Variants in GABBR2 observed in about 807,000 individuals in gnomAD.
GABBR2 encodes G-protein coupled receptor 51.
In GABBR2, 23 loss-of-function variants were observed where a neutral mutation model predicts 105.6. The ratio of observed to expected loss-of-function variants is 0.22; its 90% CI spans 0.16 to 0.31. The LOEUF (loss-of-function observed/expected upper bound fraction) is 0.31. GABBR2 is among the 10% of genes least tolerant of loss of function. GABBR2 has a pLI of 1.00. For missense variants in GABBR2, 734 were observed against 1,245.5 expected, an observed-to-expected ratio of 0.59 and a Z score of 6.18; for synonymous variants, 478 against 499.7, an observed-to-expected ratio of 0.96 and a Z score of 0.58.
chr9:98,313,810 G>T (rs189797047), intron 13 of GABBR2, among the ~76,000 whole-genome samples: 1 of 152,262 alleles, frequency 6.6e-6, no homozygotes, highest in Non-Finnish European at 1.5e-5. Flanking sequence ...TCTTAGACGG[G>T]TAGCGTTTAG....
chr9:98,353,513 C>T (rs1831435946), intron 13 of GABBR2, among the ~76,000 whole-genome samples: 2 of 152,158 alleles, frequency 1.3e-5, no homozygotes, highest in South Asian at 2.1e-4. Context: ...ATGTACTTTG[C>T]CCAGATCCAT....
chr9:98,487,996 G>A (rs142484552), intron 4 of GABBR2, among the ~76,000 whole-genome samples: 34 of 152,094 alleles, frequency 2.2e-4, no homozygotes, highest in Non-Finnish European at 1.6e-4. Flanking sequence ...AAACATGGCC[G>A]AGGCAGAGAC....
intron 7 of GABBR2, among the ~76,000 whole-genome samples, chr9:98,421,408 T>G (rs574864208): frequency 6.6e-6 from 1 of 152,348 alleles, no homozygotes; most frequent in South Asian, 2.1e-4. Flanking sequence ...CAGCTCCCTA[T>G]TCCATTAGTA....
At chr9:98,648,607 TCA>T (rs1466412447) in intron 1 of GABBR2, among the ~76,000 whole-genome samples, 2 of 152,192 alleles carry the variant, frequency 1.3e-5, no homozygotes, top group Non-Finnish European at 2.9e-5. Flanking sequence ...TCTCCAAGTC[TCA>T]GTTTCTTCTT....
intron 8 of GABBR2, among the ~76,000 whole-genome samples, chr9:98,403,970 G>A (rs903725825): frequency 1.3e-5 from 2 of 151,808 alleles, no homozygotes; most frequent in East Asian, 3.9e-4. Context: ...GACCCACAAA[G>A]CGCAAGCTCT....
intron 1 of GABBR2, among the ~76,000 whole-genome samples, chr9:98,705,395 C>T (rs939232570): frequency 3.9e-5 from 6 of 152,198 alleles, no homozygotes; most frequent in African/African-American, 1.4e-4. Flanking sequence ...CCCCAGGGAC[C>T]AGATTAACCC....
chr9:98,354,216 C>T (rs574021837), intron 13 of GABBR2, among the ~76,000 whole-genome samples: 27 of 152,336 alleles, frequency 1.8e-4, no homozygotes, highest in African/African-American at 5.8e-4. Flanking sequence ...GATGTGCTGT[C>T]ATCCAGGCTT....
At chr9:98,433,249 T>C (rs1312344688) in intron 7 of GABBR2, among the ~76,000 whole-genome samples, 1 of 152,242 alleles carries the variant, frequency 6.6e-6, no homozygotes, top group African/African-American at 2.4e-5. Flanking sequence ...TGGATTAAAC[T>C]GTCACTACGT....
chr9:98,686,972 A>G lies in GABBR2; in HGVS notation c.321+21445T>C, dbSNP rs1348702251. Among the ~76,000 whole-genome samples the G allele has an allele frequency of 2.0e-5, 3 of 151,946 alleles. No homozygotes were observed. In the East Asian group the frequency reaches 5.8e-4, roughly 30 times the overall value. ...GCAGAGTCAGTGCTTCTAAACAAAC[A>G]AGACAAAGATCCTCCCTCGACATAC... On this transcript the variant is annotated intron_variant, in intron 1 of 18. Coordinates refer to ENST00000259455, the MANE Select transcript of GABBR2 (RefSeq NM_005458.8).
At chr9:98,444,879 G>GCGCACACACA (rs939018102) in intron 7 of GABBR2, among the ~76,000 whole-genome samples, 3,089 of 150,982 alleles carry the variant, frequency 0.02, 37 homozygotes, top group Non-Finnish European at 0.03. Context: ...GCGCGCGCGC[G>GCGCACACACA]CACACACACA....
At chr9:98,292,429 C>T (rs1588083902) in intron 18 of GABBR2, among the ~76,000 whole-genome samples, 1 of 152,150 alleles carries the variant, frequency 6.6e-6, no homozygotes, top group Non-Finnish European at 1.5e-5. Flanking sequence ...GCAGCCTTAT[C>T]CCAACTGGGT....
chr9:98,343,136 G>A (rs192743819), intron 13 of GABBR2, among the ~76,000 whole-genome samples: 3 of 152,318 alleles, frequency 2.0e-5, no homozygotes, highest in South Asian at 2.1e-4. Flanking sequence ...GCAAGACTAC[G>A]GAAGCTGGAG....
At chr9:98,413,451 CTTTTT>C (rs61561755) in intron 7 of GABBR2, among the ~76,000 whole-genome samples, 1 of 150,350 alleles carries the variant, frequency 6.7e-6, no homozygotes, top group Admixed American at 6.6e-5. Flanking sequence ...AAAAAATATT[CTTTTT>C]TTTTTCTTTA....
At chr9:98,513,025 C>A (rs1211854994) in intron 3 of GABBR2, among the ~76,000 whole-genome samples, 2 of 152,004 alleles carry the variant, frequency 1.3e-5, no homozygotes, top group African/African-American at 2.4e-5. Flanking sequence ...GCTACAGTAA[C>A]CAAAACAGCA....
intron 3 of GABBR2, among the ~76,000 whole-genome samples, chr9:98,536,947 G>A (rs887203366): frequency 2.6e-5 from 4 of 152,272 alleles, no homozygotes; most frequent in Middle Eastern, 3.4e-3. Flanking sequence ...CAAGTAGACC[G>A]AGGCCACCAG....
chr9:98,559,654 T>C (rs1160061235), intron 2 of GABBR2, among the ~76,000 whole-genome samples: 1 of 152,246 alleles, frequency 6.6e-6, no homozygotes, highest in Admixed American at 6.5e-5. Flanking sequence ...AGAAAAATTA[T>C]AGATGCATTT....
chr9:98,542,946 AT>A (rs1420420328), intron 2 of GABBR2, among the ~76,000 whole-genome samples: 2 of 148,850 alleles, frequency 1.3e-5, no homozygotes, highest in Non-Finnish European at 3.0e-5. Context: ...TTCAGATTGA[AT>A]TTAATGAAGA....
chr9:98,667,267 A>G (rs968412254), intron 1 of GABBR2, among the ~76,000 whole-genome samples: 2 of 152,148 alleles, frequency 1.3e-5, no homozygotes, highest in Admixed American at 1.3e-4. Flanking sequence ...TAGGAAAACA[A>G]ACCATAGAAT....
chr9:98,320,722 G>A (rs200183835), intron 13 of GABBR2, among the ~76,000 whole-genome samples: 28 of 150,258 alleles, frequency 1.9e-4, no homozygotes, highest in African/African-American at 3.7e-4. Flanking sequence ...GTAAACTATC[G>A]CAAGAACAAA....
Sources: allele counts gnomAD v4.1 joint callset (sites outside exome capture counted in the v4.1 genomes callset), GRCh38; gene constraint gnomAD v4.1.1; transcripts MANE v1.5; gene names NCBI Gene and HGNC (gene_info 2026-07-23, HGNC 2026-07-21).